POGLUT3: variants seen among roughly 807,000 people sequenced by gnomAD.
POGLUT3 encodes KDEL (Lys-Asp-Glu-Leu) containing 2.
In POGLUT3, 48 loss-of-function variants were observed where a neutral mutation model predicts 54.3. That is an observed-to-expected ratio of 0.88 (90% confidence interval 0.70 to 1.12). The LOEUF is 1.12. Among genes scored for constraint, POGLUT3 ranks in the 50% most tolerant of loss-of-function variants. The pLI is 0.00. For synonymous variants in POGLUT3, 218 were observed against 237.4 expected (o/e 0.92, Z 0.75); for missense variants, 629 against 618.7 (o/e 1.02, Z -0.18).
rs2093593694 is a variant in POGLUT3 at position 108,482,044 on chromosome 11, C to T, written c.863G>A (p.Gly288Asp). Residue 288 changes from glycine (G) to aspartate (D), a missense_variant, in exon 4 of 8, where the codon GGT (glycine) becomes GAT (aspartate). Gly to Asp is a moderately conservative substitution (Grantham distance 94, BLOSUM62 -1). Transcript: ENST00000323468. ...AATAGAGAGGAGATCATTTGTAACACCCCGCATGGCTTCAAGCATGGAGTG... is the reference window on the plus strand; with the variant it reads ...AATAGAGAGGAGATCATTTGTAACATCCCGCATGGCTTCAAGCATGGAGTG... ...ITHSMLEAMR[G>D]VTNDLLSIQG... 1.2e-6 allele frequency: 2 copies of T among 1,613,956 alleles called. No homozygotes were observed.
At chr11:108,484,046 A>G (rs1253202847) in intron 3 of POGLUT3, among the ~76,000 whole-genome samples, 1 of 152,102 alleles carries the variant, frequency 6.6e-6, no homozygotes, top group Non-Finnish European at 1.5e-5. Context: ...TCTCAAGCTC[A>G]TATTATTGAC....
In POGLUT3 at chr11:108,488,213, C is replaced by T. The variant is rs150456766; in HGVS notation, c.401-1773G>A. ...TAATTTTTTGTATTTTTAGTAGAGA[C>T]GGAGTTTTGCCATATTGGCCAGGTT... On this transcript the variant is annotated intron_variant, in intron 2 of 7. Coordinates refer to ENST00000323468, the MANE Select transcript of POGLUT3 (RefSeq NM_153705.5). Among the ~76,000 whole-genome samples, 401 of 151,918 alleles carry T rather than the reference C, an allele frequency of 2.6e-3. 1 individual carries two copies. Among genetic ancestry groups the T allele is most frequent in the African/African-American group, 8.9e-3 (368 of 41,444 alleles).
At chr11:108,488,280 C>T (rs2093607296) in intron 2 of POGLUT3, among the ~76,000 whole-genome samples, 1 of 152,160 alleles carries the variant, frequency 6.6e-6, no homozygotes, top group Non-Finnish European at 1.5e-5. Flanking sequence ...CTGCTTCGGT[C>T]TCCCAAAGTG....
chr11:108,477,352 T>C (rs183863342), intron 7 of POGLUT3, among the ~76,000 whole-genome samples: 42 of 152,172 alleles, frequency 2.8e-4, no homozygotes, highest in African/African-American at 9.9e-4. Flanking sequence ...TGAGCTGAGA[T>C]TGAGACACTG....
chr11:108,479,421 C>T lies in POGLUT3; in HGVS notation c.1173G>A (p.Leu391=). 6.2e-7 allele frequency: 1 copy of T among 1,612,990 alleles called. No individual in the cohort carries two copies. The highest frequency in any genetic ancestry group is 8.5e-7 in the Non-Finnish European group (1 of 1,179,858). The stretch of plus-strand genomic sequence containing the variant: ...AATATGGCGAGTCCTGCTTTAAAAC[C>T]AGACTGTCGCCCAGCATGAGATATG... The part of the protein sequence containing the change: ...RYPYLMLGDS[L]VLKQDSPYYE... The change falls in exon 6 of 8, where the codon CTG becomes CTA. Residue 391 remains leucine, a synonymous_variant. Transcript: ENST00000323468.
At position 108,482,170 on chromosome 11, in the gene POGLUT3, T is replaced by G; in HGVS notation, c.737A>C (p.Glu246Ala). The G allele has an allele frequency of 6.2e-7, 1 of 1,614,084 alleles. No homozygotes were observed. Among genetic ancestry groups the G allele is most frequent in the Non-Finnish European group, 8.5e-7 (1 of 1,180,000 alleles). Residue 246 changes from glutamate (E) to alanine (A), a missense_variant, in exon 4 of 8, where the codon GAG becomes GCG. Coordinates refer to ENST00000323468, the MANE Select transcript of POGLUT3 (RefSeq NM_153705.5). Reference sequence around the variant, plus strand: ...AGGGGTTCCATTGACTTTTCGATGCTCCAAGGGCCAATCTCCAAGATTAAC... The same window carrying G: ...AGGGGTTCCATTGACTTTTCGATGCGCCAAGGGCCAATCTCCAAGATTAAC... ...FYVNLGDWPL[E>A]HRKVNGTPSP...
At chr11:108,492,785 A>G (rs2093615553) in intron 1 of POGLUT3, among the ~76,000 whole-genome samples, 1 of 152,228 alleles carries the variant, frequency 6.6e-6, no homozygotes, top group Admixed American at 6.5e-5. Flanking sequence ...ATAAACATGG[A>G]AGATGCTATA....
rs11686 is a variant in POGLUT3, at chr11:108,472,373, C to G, written c.*2454G>C. 6.6e-6 allele frequency: 1 copy of G among 152,124 alleles called. No homozygotes were observed. The highest frequency in any genetic ancestry group is 1.5e-5 in the Non-Finnish European group (1 of 68,046). The allele number at this position is 152,124 out of a possible 1,614,324, so 9.4% of individuals were successfully genotyped here. On this transcript the variant is annotated 3_prime_UTR_variant, in exon 8 of 8. Transcript: ENST00000323468. ...TAAAGCAAAAAGTAAGAATTCCCTTCACTCCATCTTCTCCTCAGATATTGG... is the reference window on the plus strand; with the variant it reads ...TAAAGCAAAAAGTAAGAATTCCCTTGACTCCATCTTCTCCTCAGATATTGG...
At position 108,486,158 on chromosome 11, in the gene POGLUT3, T is replaced by C. The variant is rs1293154426; in HGVS notation, c.683A>G (p.Lys228Arg). Residue 228 changes from lysine (K) to arginine (R), a missense_variant and splice_region_variant, in exon 3 of 8, where the codon AAG (lysine) becomes AGG (arginine). Coordinates refer to ENST00000323468, the MANE Select transcript of POGLUT3 (RefSeq NM_153705.5). ...TTATCAATTCATTCATTCTCCTACC[T>C]TTCTTGTCAATGATAACAAAATCTC... ...SDEILLSLTR[K>R]VLLPDLEFYV... The C allele has an allele frequency of 6.2e-7, 1 of 1,600,256 alleles. No homozygotes were observed. The highest frequency in any genetic ancestry group is 1.7e-5 in the Admixed American group (1 of 59,782).
At chr11:108,498,034 G>A in intron 1 of POGLUT3, 131 bp downstream of exon 1, 1 of 725,620 alleles carries the variant, frequency 1.4e-6, no homozygotes. Context: ...GGGAAGAGGA[G>A]CTGACCAGAC....
intron 3 of POGLUT3, among the ~76,000 whole-genome samples, chr11:108,482,929 T>G (rs2093595653): frequency 6.6e-6 from 1 of 152,078 alleles, no homozygotes; most frequent in Non-Finnish European, 1.5e-5. Flanking sequence ...TCATGTGCCC[T>G]TGCCTCTGGA....
chr11:108,479,319 C>G lies in POGLUT3; in HGVS notation c.1275G>C (p.Glu425Asp), dbSNP rs762524670. ...CGCATACCTTAGCCCATTTAACTTTCTCTAATAAATCACTCAGATTTCTTT... is the reference window on the plus strand; with the variant it reads ...CGCATACCTTAGCCCATTTAACTTTGTCTAATAAATCACTCAGATTTCTTT... The part of the protein sequence containing the change: ...PIKRNLSDLL[E>D]KVKWAKENDE... The change falls in exon 6 of 8, where the codon GAG becomes GAC. Residue 425 changes from glutamate (E) to aspartate (D), a missense_variant. Coordinates refer to ENST00000323468, the MANE Select transcript of POGLUT3 (RefSeq NM_153705.5). 2 of 1,609,556 alleles carry G rather than the reference C, an allele frequency of 1.2e-6. No homozygotes were observed. The highest frequency in any genetic ancestry group is 1.7e-6 in the Non-Finnish European group (2 of 1,179,152).
At position 108,477,589 on chromosome 11, in the gene POGLUT3, C is replaced by T. The variant is rs761467570; in HGVS notation, c.1398+18G>A. The T allele has an allele frequency of 2.8e-5, 42 of 1,493,546 alleles. No individual in the cohort carries two copies. Among genetic ancestry groups the T allele is most frequent in the East Asian group, 1.4e-4 (6 of 44,214 alleles). 92.5% of individuals were successfully genotyped at this position (1,493,546 alleles called of 1,614,324 possible). A position where few individuals can be genotyped will look rare whatever the true frequency, so the allele number is the denominator to read the frequency against. On this transcript the variant is annotated intron_variant, in intron 7 of 7. Coordinates refer to ENST00000323468, the MANE Select transcript of POGLUT3 (RefSeq NM_153705.5). Reference sequence around the variant, plus strand: ...AGGACACCCGACCCAGCAGTGTGGACGGACACTCTGAACTGACCTGCAGTA... The same window carrying T: ...AGGACACCCGACCCAGCAGTGTGGATGGACACTCTGAACTGACCTGCAGTA...
intron 1 of POGLUT3, among the ~76,000 whole-genome samples, chr11:108,492,593 GT>G (rs1028033051): frequency 1.3e-5 from 2 of 151,750 alleles, no homozygotes; most frequent in Non-Finnish European, 2.9e-5. Context: ...ATCTTTAAGG[GT>G]TTTTTTTCTT....
chr11:108,495,837 T>C (rs905637975), intron 1 of POGLUT3, among the ~76,000 whole-genome samples: 8 of 152,076 alleles, frequency 5.3e-5, no homozygotes, highest in Admixed American at 3.9e-4. Flanking sequence ...TCTTGCTATG[T>C]TGCCCAGGCT....
chr11:108,477,041 G>A (rs1032890194), intron 7 of POGLUT3, among the ~76,000 whole-genome samples: 2 of 152,102 alleles, frequency 1.3e-5, no homozygotes, highest in Non-Finnish European at 2.9e-5. Context: ...AAGATGGGAG[G>A]AGTTGCTAAT....
At chr11:108,490,870 C>A in intron 2 of POGLUT3, 100 bp downstream of exon 2, 1 of 755,522 alleles carries the variant, frequency 1.3e-6, no homozygotes, top group South Asian at 1.8e-5. Context: ...ACAATGTTTA[C>A]TTTACTGCAC....
At position 108,491,071 on chromosome 11, in the gene POGLUT3, A is replaced by G. The variant is rs1246643243; in HGVS notation, c.299T>C (p.Phe100Ser). ...TTCATACATCCTATATCTCATCAAA[A>G]ATGTTCCATCATTCCTGTCCAAAGG... ...PKPLDRNDGT[F>S]LMRYRMYETV... Residue 100 changes from phenylalanine (F) to serine (S), a missense_variant, in exon 2 of 8, where the codon TTT becomes TCT. By Grantham distance (155) the Phe-to-Ser change is radical (BLOSUM62 -2). Transcript: ENST00000323468. 1.2e-6 allele frequency: 2 copies of G among 1,614,070 alleles called. No homozygotes were observed. The highest frequency in any genetic ancestry group is 1.7e-5 in the Admixed American group (1 of 60,024).
Position 108,479,398 on chromosome 11 carries a change from T to A in POGLUT3, c.1196A>T (p.Tyr399Phe). The A allele has an allele frequency of 6.2e-7, 1 of 1,612,778 alleles. No individual in the cohort carries two copies. The highest frequency in any genetic ancestry group is 8.5e-7 in the Non-Finnish European group (1 of 1,179,716). The part of the protein sequence containing the change: ...DSLVLKQDSP[Y>F]YEHFYMALEP... ...TAGTGCCATGTAGAAATGTTCATAA[T>A]ATGGCGAGTCCTGCTTTAAAACCAG... is the stretch of plus-strand genomic sequence containing the variant. The change falls in exon 6 of 8, where the codon TAT (tyrosine) becomes TTT (phenylalanine). Residue 399 changes from tyrosine (Y) to phenylalanine (F), a missense_variant. Coordinates refer to ENST00000323468, the MANE Select transcript of POGLUT3 (RefSeq NM_153705.5).
Sources: allele counts gnomAD v4.1 joint callset (sites outside exome capture counted in the v4.1 genomes callset), GRCh38; gene constraint gnomAD v4.1.1; transcripts MANE v1.5; gene names NCBI Gene and HGNC (gene_info 2026-07-23, HGNC 2026-07-21).